The following AGAP6 variants were observed in gnomAD, a reference collection of about 807,000 sequenced individuals.
AGAP6 encodes ArfGAP with GTPase domain, ankyrin repeat and PH domain 6.
In AGAP6, 29 loss-of-function variants were observed where a neutral mutation model predicts 63.9. The observed-to-expected ratio is 0.45, with a 90% CI of 0.34 to 0.62. AGAP6 has a LOEUF of 0.62. AGAP6 is among the 20% of genes least tolerant of loss of function. The probability of loss-of-function intolerance (pLI) is 0.01; values close to 1 mark genes in which losing one functional copy is unlikely to be tolerated. For missense variants in AGAP6, 493 were observed against 884.9 expected (o/e 0.56, Z 5.62); for synonymous variants, 199 against 332.9 (o/e 0.60, Z 4.38).
intron 2 of AGAP6, 99 bp downstream of exon 2, chr10:49,989,475 A>G: frequency 6.4e-7 from 1 of 1,560,704 alleles, no homozygotes; most frequent in South Asian, 1.1e-5. Flanking sequence ...AAACTCAAAT[A>G]TCCCAACTTT....
At chr10:49,988,990 G>A in intron 1 of AGAP6, 52 bp downstream of exon 1, 1 of 1,599,932 alleles carries the variant, frequency 6.3e-7, no homozygotes, top group South Asian at 1.1e-5. Context: ...GGCTGCTGCT[G>A]TCCCCATGGT....
intron 3 of AGAP6, among the ~76,000 whole-genome samples, chr10:49,992,487 T>A (rs1486483079): frequency 2.6e-5 from 4 of 152,184 alleles, no homozygotes; most frequent in Non-Finnish European, 5.9e-5. Context: ...GTTTTTATAG[T>A]TTGAGTAGAC....
At position 49,993,459 on chromosome 10, in the gene AGAP6, GA is replaced by G. The variant is rs199733573; in HGVS notation, c.362-927del. ...TTATTATTCTGGCCTCTTTTTAGAG[GA>G]AAAAAAAATGATTTTTTGTGCTGCA... On this transcript the variant is annotated intron_variant, in intron 3 of 7. Transcript: ENST00000412531. Among the ~76,000 whole-genome samples the G allele has an allele frequency of 1.4e-3, 214 of 150,592 alleles. 1 individual carries two copies. The highest frequency in any genetic ancestry group is 4.8e-3 in the African/African-American group (197 of 41,034).
intron 6 of AGAP6, among the ~76,000 whole-genome samples, chr10:50,005,621 CAAAA>C (rs1241965757): frequency 2.0e-5 from 3 of 149,032 alleles, no homozygotes; most frequent in Non-Finnish European, 3.0e-5. Context: ...AACAAACAAA[CAAAA>C]AAAGCAATAA....
At chr10:49,996,732 C>T (rs1841504313) in intron 4 of AGAP6, among the ~76,000 whole-genome samples, 1 of 143,898 alleles carries the variant, frequency 6.9e-6, no homozygotes, top group Non-Finnish European at 1.5e-5. Context: ...TGCAACTGAC[C>T]TTGCTGGCTT....
intron 3 of AGAP6, 145 bp from the exon 4 acceptor site, chr10:49,994,250 A>G (rs567632234): frequency 4.0e-6 from 4 of 990,834 alleles, no homozygotes; most frequent in South Asian, 2.0e-5. Context: ...CATGCCAGAT[A>G]ATTTAAATTA....
chr10:49,992,325 C>G (rs1408501272), intron 3 of AGAP6, among the ~76,000 whole-genome samples: 1 of 151,970 alleles, frequency 6.6e-6, no homozygotes, highest in Non-Finnish European at 1.5e-5. Context: ...TGCTTATTTC[C>G]CTCAATGTTA....
rs1554860961 is a variant in AGAP6, at chr10:49,991,671, T to C, written c.293-5T>C. 2.5e-6 allele frequency: 4 copies of C among 1,598,628 alleles called. No individual in the cohort carries two copies. The highest frequency in any genetic ancestry group is 2.2e-5 in the South Asian group (2 of 91,006). On this transcript the variant is annotated splice_polypyrimidine_tract_variant and splice_region_variant and intron_variant, in intron 2 of 7. Coordinates refer to ENST00000412531, the MANE Select transcript of AGAP6 (RefSeq NM_001077665.3). Reference sequence around the variant, plus strand: ...TTTTTTTCTTTTCTTCCTCTGTGCATATAGCTTTGGAGTTTAACCCTTCTG... The same window carrying C: ...TTTTTTTCTTTTCTTCCTCTGTGCACATAGCTTTGGAGTTTAACCCTTCTG...
rs1554865334 is a variant in AGAP6, at chr10:50,009,765, G to A, written c.1640G>A (p.Ser547Asn). Residue 547 changes from serine to asparagine, a missense_variant, in exon 8 of 8, where the codon AGC (serine) becomes AAC (asparagine). Physicochemically the swap from Ser to Asn is conservative, Grantham distance 46. Coordinates refer to ENST00000412531, the MANE Select transcript of AGAP6 (RefSeq NM_001077665.3). ...NDLANSIWEG[S>N]SQGQTKPSEK... is the part of the protein sequence containing the mutation. ...CTAGCCAACAGCATCTGGGAAGGGA[G>A]CAGCCAGGGGCAGACAAAACCCTCA... The A allele has an allele frequency of 1.9e-6, 3 of 1,614,090 alleles. No individual in the cohort carries two copies. Among genetic ancestry groups the A allele is most frequent in the Non-Finnish European group, 1.7e-6 (2 of 1,180,004 alleles).
chr10:49,990,203 C>G (rs1199499290), intron 2 of AGAP6, among the ~76,000 whole-genome samples: 5 of 152,290 alleles, frequency 3.3e-5, no homozygotes, highest in African/African-American at 9.6e-5. Flanking sequence ...CTTTGGGAGG[C>G]TGTGGCAGGC....
intron 5 of AGAP6, among the ~76,000 whole-genome samples, chr10:50,002,906 GT>G (rs1554863190): frequency 1.5e-5 from 2 of 136,476 alleles, no homozygotes; most frequent in Middle Eastern, 3.9e-3. Flanking sequence ...AGGAAATTGT[GT>G]TTCGAACAAA....
At chr10:49,991,238 T>G (rs1446291057) in intron 2 of AGAP6, among the ~76,000 whole-genome samples, 1 of 151,892 alleles carries the variant, frequency 6.6e-6, no homozygotes, top group Admixed American at 6.6e-5. Flanking sequence ...ATACGATGAA[T>G]TTACTTTTTA....
rs1299117856 is a variant in AGAP6, at chr10:50,008,770, C to T, written c.645C>T (p.Ser215=). Residue 215 remains serine (S), a synonymous_variant, in exon 8 of 8, where the codon TCC becomes TCT. Coordinates refer to ENST00000412531, the MANE Select transcript of AGAP6 (RefSeq NM_001077665.3). Reference sequence around the variant, plus strand: ...GAGGTGGGAGTTTAAATAACTATTCCTCCTCCATTCCATCGACTCCCAGCA... The same window carrying T: ...GAGGTGGGAGTTTAAATAACTATTCTTCCTCCATTCCATCGACTCCCAGCA... The part of the protein sequence containing the change: ...RNGGGSLNNY[S]SSIPSTPSTS... 9.3e-6 allele frequency: 15 copies of T among 1,614,100 alleles called. No individual in the cohort carries two copies. In the East Asian group the frequency reaches 2.7e-4, roughly 29 times the overall value.
At chr10:50,007,392 CAAAAAA>C (rs782611919) in intron 6 of AGAP6, among the ~76,000 whole-genome samples, 1 of 8,584 alleles carries the variant, frequency 1.2e-4, no homozygotes, top group Non-Finnish European at 2.8e-4. Context: ...AACTTGGTCT[CAAAAAA>C]AAAAAAAAAA....
chr10:49,991,382 C>CTTTTTT (rs1337496282), intron 2 of AGAP6, among the ~76,000 whole-genome samples: 1 of 95,678 alleles, frequency 1.0e-5, no homozygotes. Flanking sequence ...TTTACCTCTT[C>CTTTTTT]TGTTTTTTTT....
intron 2 of AGAP6, among the ~76,000 whole-genome samples, chr10:49,989,921 G>C (rs1297222801): frequency 6.3e-4 from 96 of 152,220 alleles, no homozygotes; most frequent in Non-Finnish European, 1.1e-3. Context: ...GATTTATTCT[G>C]GTGACTTAAC....
At chr10:49,994,258 T>C in intron 3 of AGAP6, 137 bp from the exon 4 acceptor site, 4 of 1,002,718 alleles carry the variant, frequency 4.0e-6, no homozygotes, top group South Asian at 3.9e-5. Context: ...ATAATTTAAA[T>C]TATAAATTAT....
intron 4 of AGAP6, among the ~76,000 whole-genome samples, chr10:49,994,823 G>A (rs1201053963): frequency 2.7e-4 from 41 of 152,044 alleles, no homozygotes; most frequent in Admixed American, 9.8e-4. Context: ...GTAGCCGGGC[G>A]TGGTGGTGCA....
At chr10:49,996,074 C>T (rs1192785932) in intron 4 of AGAP6, among the ~76,000 whole-genome samples, 3 of 151,886 alleles carry the variant, frequency 2.0e-5, no homozygotes, top group Admixed American at 2.0e-4. Context: ...TACTGATAGT[C>T]TTGTTATTCA....
Sources: gnomAD v4.1 joint callset for allele counts (sites outside exome capture counted in the v4.1 genomes callset) on GRCh38, gnomAD v4.1.1 for gene constraint, MANE v1.5 for transcripts, NCBI Gene and HGNC (gene_info 2026-07-23, HGNC 2026-07-21) for gene names.